DCAF8L2: variants seen among roughly 807,000 people sequenced by gnomAD.
DCAF8L2 encodes the protein DDB1- and CUL4-associated factor 8-like protein 2.
For synonymous variants in DCAF8L2, 200 were observed against 190.9 expected, an observed-to-expected ratio of 1.05 and a Z score of -0.39; for missense variants, 430 against 490.7, an observed-to-expected ratio of 0.88 and a Z score of 1.17.
chrX:27,477,319 G>A, the DCAF8L2 span, among the ~76,000 whole-genome samples: 176 of 111,802 alleles, frequency 1.6e-3, no homozygotes, highest in African/African-American at 4.8e-3. Context: ...ACGGAGTCTC[G>A]CTCTGTTGCC....
At chrX:27,694,760 T>C (rs1046809705) in intron 3 of DCAF8L2, among the ~76,000 whole-genome samples, 1 of 111,957 alleles carries the variant, frequency 8.9e-6, no homozygotes, top group Admixed American at 9.6e-5. Context: ...CTTTCAGGTA[T>C]CCAAGGATAT....
At chrX:27,533,170 GA>G in the DCAF8L2 span, among the ~76,000 whole-genome samples, 9 of 12,667 alleles carry the variant, frequency 7.1e-4, no homozygotes, top group Admixed American at 1.2e-3. Flanking sequence ...GAGAGAGAAA[GA>G]AAGAAAGAAA....
chrX:27,642,371 G>A (rs1928769869), intron 2 of DCAF8L2, among the ~76,000 whole-genome samples: 2 of 111,131 alleles, frequency 1.8e-5, no homozygotes, highest in African/African-American at 6.5e-5. Flanking sequence ...ATGTATTATA[G>A]TGTATTTCTA....
the DCAF8L2 span, among the ~76,000 whole-genome samples, chrX:27,475,745 G>T: frequency 8.9e-6 from 1 of 112,007 alleles, no homozygotes; most frequent in African/African-American, 3.2e-5. Context: ...CTCAACTAAC[G>T]AAATTAATTG....
the DCAF8L2 span, among the ~76,000 whole-genome samples, chrX:27,478,481 G>T: frequency 8.9e-6 from 1 of 111,963 alleles, no homozygotes; most frequent in Admixed American, 9.5e-5. Flanking sequence ...GATTACATTT[G>T]CTTTCTTTGT....
At chrX:27,502,317 TAAAAAAA>T in the DCAF8L2 span, among the ~76,000 whole-genome samples, 1 of 13,992 alleles carries the variant, frequency 7.1e-5, no homozygotes, top group East Asian at 5.2e-3. Context: ...TGAAACTCTG[TAAAAAAA>T]AAAAAAAAAA....
chrX:27,546,490 G>C, the DCAF8L2 span, among the ~76,000 whole-genome samples: 1 of 111,997 alleles, frequency 8.9e-6, no homozygotes, highest in Admixed American at 9.4e-5. Flanking sequence ...ACTCTGTGTG[G>C]GGGCTCTAAC....
At chrX:27,527,170 C>G in the DCAF8L2 span, among the ~76,000 whole-genome samples, 1 of 112,254 alleles carries the variant, frequency 8.9e-6, no homozygotes, top group Non-Finnish European at 1.9e-5. Flanking sequence ...TGGTGGACTC[C>G]ACCCAGTTTG....
At chrX:27,500,227 A>C in the DCAF8L2 span, among the ~76,000 whole-genome samples, 2 of 112,062 alleles carry the variant, frequency 1.8e-5, no homozygotes, top group East Asian at 5.6e-4. Context: ...CCACCAAAAA[A>C]TAAAAGACTT....
At chrX:27,508,952 C>G in the DCAF8L2 span, among the ~76,000 whole-genome samples, 1 of 110,703 alleles carries the variant, frequency 9.0e-6, no homozygotes, top group Non-Finnish European at 1.9e-5. Context: ...CCAACACACA[C>G]CCATAATTCC....
the DCAF8L2 span, among the ~76,000 whole-genome samples, chrX:27,585,099 G>A: frequency 9.1e-6 from 1 of 110,090 alleles, no homozygotes; most frequent in East Asian, 2.9e-4. Flanking sequence ...ATATAGAAGA[G>A]CATTTGGCAA....
the DCAF8L2 span, among the ~76,000 whole-genome samples, chrX:27,484,268 T>C: frequency 3.6e-5 from 4 of 111,773 alleles, no homozygotes; most frequent in Non-Finnish European, 5.7e-5. Context: ...TCAATAAAAT[T>C]CAAACATTTA....
chrX:27,497,803 G>A, the DCAF8L2 span, among the ~76,000 whole-genome samples: 1 of 111,547 alleles, frequency 9.0e-6, no homozygotes, highest in African/African-American at 3.3e-5. Context: ...TCCTGACCTC[G>A]TGATCTGCCC....
the DCAF8L2 span, among the ~76,000 whole-genome samples, chrX:27,548,647 T>G: frequency 8.9e-6 from 1 of 111,773 alleles, no homozygotes; most frequent in South Asian, 3.7e-4. Flanking sequence ...TGAACAGTGT[T>G]ACAACATTTT....
chrX:27,714,135 A>G (rs1287674269), intron 3 of DCAF8L2, among the ~76,000 whole-genome samples: 1 of 111,588 alleles, frequency 9.0e-6, no homozygotes, highest in Non-Finnish European at 1.9e-5. Flanking sequence ...CCTGATAAAC[A>G]TCTTCAGCTT....
At chrX:27,727,732 C>T (rs1368091352) in intron 4 of DCAF8L2, among the ~76,000 whole-genome samples, 6 of 111,593 alleles carry the variant, frequency 5.4e-5, no homozygotes, top group African/African-American at 1.9e-4. Flanking sequence ...ATTTACTAAT[C>T]AATTTTGGGA....
chrX:27,660,767 G>T (rs977399896), intron 2 of DCAF8L2, among the ~76,000 whole-genome samples: 1 of 112,078 alleles, frequency 8.9e-6, no homozygotes, highest in South Asian at 3.7e-4. Context: ...GCTGCCCCAG[G>T]CAGGCAAGTC....
the DCAF8L2 span, among the ~76,000 whole-genome samples, chrX:27,476,720 ACT>A: frequency 8.9e-6 from 1 of 111,898 alleles, no homozygotes; most frequent in Non-Finnish European, 1.9e-5. Flanking sequence ...GCTTAAGGTA[ACT>A]CTCAAGGCTA....
At chrX:27,535,980 A>T in the DCAF8L2 span, among the ~76,000 whole-genome samples, 1 of 111,743 alleles carries the variant, frequency 8.9e-6, no homozygotes, top group Non-Finnish European at 1.9e-5. Flanking sequence ...AAAAATTTGC[A>T]TTCTGTTCTG....
Sources: allele counts gnomAD v4.1 joint callset (sites outside exome capture counted in the v4.1 genomes callset), GRCh38; gene constraint gnomAD v4.1.1; transcripts MANE v1.5; gene names NCBI Gene and HGNC (gene_info 2026-07-23, HGNC 2026-07-21).